The following DPY19L4 variants were observed in gnomAD, a reference collection of about 807,000 sequenced individuals.
DPY19L4 encodes the protein dpy-19 like 4, also known as probable C-mannosyltransferase DPY19L4.
DPY19L4 carries 97 observed loss-of-function variants against 102.8 expected under a neutral mutation model. The ratio of observed to expected loss-of-function variants is 0.94; its 90% CI spans 0.80 to 1.12. The LOEUF (loss-of-function observed/expected upper bound fraction) is 1.12, where lower values mean the gene tolerates loss of function less well. DPY19L4 is among the 50% of genes most tolerant of loss of function. The pLI is 0.00. For synonymous variants in DPY19L4, 252 were observed against 283.1 expected, an observed-to-expected ratio of 0.89 and a Z score of 1.10; for missense variants, 815 against 850.4, an observed-to-expected ratio of 0.96 and a Z score of 0.52.
chr8:94,749,046 G>A (rs1811804076), intron 6 of DPY19L4, among the ~76,000 whole-genome samples: 1 of 152,184 alleles, frequency 6.6e-6, no homozygotes, highest in African/African-American at 2.4e-5. Context: ...CAAGAGAAGA[G>A]AGCTTATGCA....
chr8:94,771,979 C>G (rs531676867), intron 13 of DPY19L4, among the ~76,000 whole-genome samples: 1 of 152,052 alleles, frequency 6.6e-6, no homozygotes. Flanking sequence ...TTTGTTAAGG[C>G]AAAATAGGTA....
chr8:94,734,044 T>G (rs1811084933), intron 2 of DPY19L4, among the ~76,000 whole-genome samples: 1 of 151,490 alleles, frequency 6.6e-6, no homozygotes, highest in African/African-American at 2.4e-5. Context: ...CAGATTTCCT[T>G]AGTTTTTACC....
intron 6 of DPY19L4, among the ~76,000 whole-genome samples, chr8:94,741,866 G>A (rs546690462): frequency 5.3e-5 from 8 of 152,240 alleles, no homozygotes; most frequent in African/African-American, 9.6e-5. Flanking sequence ...TCTCATTGGC[G>A]CTTTGGTTCC....
chr8:94,770,528 A>T lies in DPY19L4; in HGVS notation c.1411A>T (p.Ile471Phe). The change falls in exon 13 of 19, where the codon ATT becomes TTT. Residue 471 changes from isoleucine (I) to phenylalanine (F), a missense_variant. Physicochemically the swap from Ile to Phe is conservative, Grantham distance 21. Transcript: ENST00000414645. Reference sequence around the variant, plus strand: ...AAGACCAGAAATAATTTATCATGTAATTCACACTATTTTATTGGGTTCTCT... The same window carrying T: ...AAGACCAGAAATAATTTATCATGTATTTCACACTATTTTATTGGGTTCTCT... ...GERPEIIYHV[I>F]HTILLGSLAM... is the part of the protein sequence containing the mutation. 1 of 1,613,820 alleles carries T rather than the reference A, an allele frequency of 6.2e-7. No individual in the cohort carries two copies.
intron 2 of DPY19L4, among the ~76,000 whole-genome samples, chr8:94,731,402 T>A (rs181115800): frequency 1.1e-3 from 167 of 152,336 alleles, no homozygotes; most frequent in African/African-American, 4.0e-3. Context: ...GCTTTACACA[T>A]GCTACTGGTA....
chr8:94,739,930 T>C, intron 6 of DPY19L4, 140 bp downstream of exon 6: 3 of 1,104,966 alleles, frequency 2.7e-6, no homozygotes, highest in African/African-American at 1.6e-5. Context: ...TTCCCATGAT[T>C]ATGATACTTT....
intron 12 of DPY19L4, among the ~76,000 whole-genome samples, 176 bp downstream of exon 12, chr8:94,768,729 C>A (rs909609317): frequency 1.3e-5 from 2 of 152,028 alleles, no homozygotes; most frequent in African/African-American, 4.8e-5. Context: ...TGCGGTGGCT[C>A]ATGCCTATAA....
intron 8 of DPY19L4, among the ~76,000 whole-genome samples, chr8:94,762,036 A>G (rs780040075): frequency 6.6e-6 from 1 of 152,206 alleles, no homozygotes; most frequent in Non-Finnish European, 1.5e-5. Context: ...AAAGGGTGAT[A>G]TGAGCCTGAA....
At position 94,734,721 on chromosome 8, in the gene DPY19L4, C is replaced by G; in HGVS notation, c.219C>G (p.Tyr73Ter). The G allele has an allele frequency of 1.2e-6, 2 of 1,613,670 alleles. No homozygotes were observed. Among genetic ancestry groups the G allele is most frequent in the Non-Finnish European group, 1.7e-6 (2 of 1,179,934 alleles). The change falls in exon 3 of 19, where the codon TAC becomes TAG. Residue 73 changes from tyrosine to a stop codon, truncating the protein, a stop_gained. Coordinates refer to ENST00000414645, the MANE Select transcript of DPY19L4 (RefSeq NM_181787.3). LOFTEE classifies it high-confidence loss of function. The part of the protein sequence containing the change: ...GMMYALYLSA[Y>*]HERKFWFSNR... ...TGTATGCTCTCTACTTATCAGCATA[C>G]CATGAACGGAAATTCTGGTTTTCCA...
In DPY19L4 at chr8:94,788,096, T is replaced by TA. The variant is rs200315531; in HGVS notation, c.2007+44_2007+45insA. 1,592 of 735,728 alleles carry TA rather than the reference T, an allele frequency of 2.2e-3. 5 individuals carry two copies. Among genetic ancestry groups the TA allele is most frequent in the East Asian group, 0.011 (176 of 15,448 alleles). 45.6% of individuals were successfully genotyped at this position (735,728 alleles called of 1,614,324 possible). A position where few individuals can be genotyped will look rare whatever the true frequency, so the allele number is the denominator to read the frequency against. ...AGTTATATATATGTATATATATATATTTTTTTTTTAGAAAAATGACTTTAA... is the reference window on the plus strand; with the variant it reads ...AGTTATATATATGTATATATATATATATTTTTTTTTAGAAAAATGACTTTAA... On this transcript the variant is annotated intron_variant, in intron 18 of 18. Transcript: ENST00000414645.
In DPY19L4 at chr8:94,719,963, C is replaced by A; in HGVS notation, c.-36C>A. 1 of 1,504,784 alleles carries A rather than the reference C, an allele frequency of 6.6e-7. No homozygotes were observed. Among genetic ancestry groups the A allele is most frequent in the Non-Finnish European group, 8.9e-7 (1 of 1,127,072 alleles). 93.2% of individuals were successfully genotyped at this position (1,504,784 alleles called of 1,614,324 possible). A position where few individuals can be genotyped will look rare whatever the true frequency, so the allele number is the denominator to read the frequency against. On this transcript the variant is annotated 5_prime_UTR_variant, in exon 1 of 19. Coordinates refer to ENST00000414645, the MANE Select transcript of DPY19L4 (RefSeq NM_181787.3). Reference sequence around the variant, plus strand: ...GGAGGGAGGGAGAGTCTGGGCCGCGCGGGAGCCGCAGGGCGCCCTAGCCTT... The same window carrying A: ...GGAGGGAGGGAGAGTCTGGGCCGCGAGGGAGCCGCAGGGCGCCCTAGCCTT...
rs745558151 is a variant in DPY19L4, at chr8:94,756,023, T to C, written c.612-13T>C. ...ATGTCTTATTTTTACTGTTCATCTG[T>C]GGTTTATTTTAGGGTAGATACAACA... On this transcript the variant is annotated splice_polypyrimidine_tract_variant and intron_variant, in intron 6 of 18. Transcript: ENST00000414645. The C allele has an allele frequency of 1.9e-6, 3 of 1,604,942 alleles. No homozygotes were observed. The highest frequency in any genetic ancestry group is 2.5e-6 in the Non-Finnish European group (3 of 1,176,908).
intron 6 of DPY19L4, among the ~76,000 whole-genome samples, chr8:94,753,425 C>T (rs1271168002): frequency 1.3e-5 from 2 of 152,130 alleles, no homozygotes; most frequent in Non-Finnish European, 1.5e-5. Flanking sequence ...CACATATTGA[C>T]AAGAACAAAA....
At chr8:94,766,247 C>T (rs1325202078) in intron 10 of DPY19L4, among the ~76,000 whole-genome samples, 3 of 152,076 alleles carry the variant, frequency 2.0e-5, no homozygotes, top group South Asian at 4.1e-4. Flanking sequence ...TGGTGGCTTG[C>T]GCCTGTAATC....
rs1044758360 is a variant in DPY19L4 at position 94,780,374 on chromosome 8, A to G, written c.1591A>G (p.Met531Val). 17 of 1,487,516 alleles carry G rather than the reference A, an allele frequency of 1.1e-5. No individual in the cohort carries two copies. The highest frequency in any genetic ancestry group is 1.5e-5 in the Non-Finnish European group (17 of 1,104,096). The allele number at this position is 1,487,516 out of a possible 1,614,324, so 92.1% of individuals were successfully genotyped here. A position where few individuals can be genotyped will look rare whatever the true frequency, so the allele number is the denominator to read the frequency against. The change falls in exon 15 of 19, where the codon ATG (methionine) becomes GTG (valine). Residue 531 changes from methionine to valine, a missense_variant. Met to Val is a conservative substitution (Grantham distance 21). Coordinates refer to ENST00000414645, the MANE Select transcript of DPY19L4 (RefSeq NM_181787.3). ...HPILLALILS[M>V]AVPTIIGLSL... ...AATATTTTAGGCTCTTATTCTGAGCATGGCCGTGCCTACTATAATAGGTCT... is the reference window on the plus strand; with the variant it reads ...AATATTTTAGGCTCTTATTCTGAGCGTGGCCGTGCCTACTATAATAGGTCT...
chr8:94,783,834 C>T lies in DPY19L4; in HGVS notation c.1848+32C>T, dbSNP rs763426306. 41 of 1,610,870 alleles carry T rather than the reference C, an allele frequency of 2.5e-5. No homozygotes were observed. In the Admixed American group the frequency reaches 6.3e-4, roughly 25 times the overall value. ...CATTTTAAATTCTACATTTGGATCTCTTTTCCAGCACTTTGTATTTTAGCA... is the reference window on the plus strand; with the variant it reads ...CATTTTAAATTCTACATTTGGATCTTTTTTCCAGCACTTTGTATTTTAGCA... On this transcript the variant is annotated intron_variant, in intron 17 of 18. Transcript: ENST00000414645.
Position 94,761,758 on chromosome 8 carries a change from A to AT in DPY19L4, c.795dup (p.Ser266Ter). On this transcript the variant is annotated frameshift_variant, in exon 8 of 19. Coordinates refer to ENST00000414645, the MANE Select transcript of DPY19L4 (RefSeq NM_181787.3). LOFTEE classifies it high-confidence loss of function. ...TACACATTTATGATGATGTGGGAGT[A>AT]TAGCCACTATCTCCTGTTTCTTCAA... The AT allele has an allele frequency of 6.2e-7, 1 of 1,612,324 alleles. No homozygotes were observed. The highest frequency in any genetic ancestry group is 8.5e-7 in the Non-Finnish European group (1 of 1,179,324).
intron 7 of DPY19L4, among the ~76,000 whole-genome samples, chr8:94,759,091 T>G (rs1812288621): frequency 6.6e-6 from 1 of 152,118 alleles, no homozygotes; most frequent in Non-Finnish European, 1.5e-5. Context: ...TAACAGCTCT[T>G]AAAGATGGCA....
chr8:94,772,755 T>C (rs1438275346), intron 13 of DPY19L4, among the ~76,000 whole-genome samples: 3 of 152,228 alleles, frequency 2.0e-5, no homozygotes, highest in Admixed American at 6.5e-5. Flanking sequence ...ACTGTTAGCA[T>C]AGACTCTTAT....
Sources: gnomAD v4.1 joint callset for allele counts (sites outside exome capture counted in the v4.1 genomes callset) on GRCh38, gnomAD v4.1.1 for gene constraint, MANE v1.5 for transcripts, NCBI Gene and HGNC (gene_info 2026-07-23, HGNC 2026-07-21) for gene names.